Variants in PTPRD observed in about 807,000 individuals in gnomAD.
The protein encoded by PTPRD is receptor-type tyrosine-protein phosphatase delta.
In PTPRD, 34 loss-of-function variants were observed where a neutral mutation model predicts 214.5. The observed-to-expected ratio is 0.16, with a 90% CI of 0.12 to 0.21. PTPRD has a LOEUF of 0.21. Ranked by LOEUF, PTPRD falls within the 10% of genes least tolerant of loss-of-function variation. PTPRD has a pLI of 1.00. For missense variants in PTPRD, 2,545 were observed against 2,398.7 expected (o/e 1.06, Z -1.27); for synonymous variants, 1,128 against 845.7 (o/e 1.33, Z -5.79).
chr9:10,000,808 G>C (rs1311042570), intron 4 of PTPRD, among the ~76,000 whole-genome samples: 1 of 152,168 alleles, frequency 6.6e-6, no homozygotes, highest in South Asian at 2.1e-4. Flanking sequence ...GTCAGCACGT[G>C]TGCCAGGCAT....
intron 5 of PTPRD, among the ~76,000 whole-genome samples, chr9:9,855,398 C>T (rs1315894029): frequency 6.6e-6 from 1 of 152,126 alleles, no homozygotes; most frequent in East Asian, 1.9e-4. Context: ...CAGAGGCTCT[C>T]TCTACTTTGC....
At chr9:10,371,132 T>G (rs2097605689) in intron 2 of PTPRD, among the ~76,000 whole-genome samples, 1 of 152,008 alleles carries the variant, frequency 6.6e-6, no homozygotes, top group Non-Finnish European at 1.5e-5. Context: ...ATTATATATC[T>G]CCATTTTTCT....
chr9:10,541,564 A>G (rs537913387), intron 2 of PTPRD, among the ~76,000 whole-genome samples: 14 of 151,900 alleles, frequency 9.2e-5, no homozygotes, highest in Non-Finnish European at 2.1e-4. Context: ...ACAAATAAAA[A>G]TAATTGTGTC....
At chr9:9,572,013 T>A (rs1255882765) in intron 8 of PTPRD, among the ~76,000 whole-genome samples, 1 of 150,782 alleles carries the variant, frequency 6.6e-6, no homozygotes. Flanking sequence ...CAAAAATATC[T>A]TAAATAGGAC....
At chr9:8,546,299 T>C (rs998064719) in intron 14 of PTPRD, among the ~76,000 whole-genome samples, 1 of 152,210 alleles carries the variant, frequency 6.6e-6, no homozygotes, top group Non-Finnish European at 1.5e-5. Flanking sequence ...CAGATTAAAC[T>C]GACATGTGTT....
At chr9:9,155,047 G>C (rs1052770416) in intron 10 of PTPRD, among the ~76,000 whole-genome samples, 2 of 152,102 alleles carry the variant, frequency 1.3e-5, no homozygotes, top group African/African-American at 2.4e-5. Flanking sequence ...AAATGCAATA[G>C]GGTGGTATTA....
chr9:10,408,347 T>C (rs1219234885), intron 2 of PTPRD, among the ~76,000 whole-genome samples: 1 of 151,580 alleles, frequency 6.6e-6, no homozygotes, highest in Non-Finnish European at 1.5e-5. Flanking sequence ...TAGCCTGCTA[T>C]GTAATGCTAT....
At chr9:9,425,656 T>C (rs2142897138) in intron 8 of PTPRD, among the ~76,000 whole-genome samples, 1 of 151,706 alleles carries the variant, frequency 6.6e-6, no homozygotes, top group African/African-American at 2.4e-5. Flanking sequence ...GAACTTACAT[T>C]ACTAAATTTT....
At chr9:10,449,481 CCT>C (rs1264149200) in intron 2 of PTPRD, among the ~76,000 whole-genome samples, 2 of 149,982 alleles carry the variant, frequency 1.3e-5, no homozygotes, top group Non-Finnish European at 2.9e-5. Context: ...AAGTGAGGAG[CCT>C]CTCTGCCTGG....
chr9:9,350,608 T>A (rs10977673), intron 9 of PTPRD, among the ~76,000 whole-genome samples: 1 of 151,922 alleles, frequency 6.6e-6, no homozygotes, highest in Non-Finnish European at 1.5e-5. Context: ...CATAAATATC[T>A]TTGGTGATGT....
intron 5 of PTPRD, among the ~76,000 whole-genome samples, chr9:9,883,483 G>C (rs906937719): frequency 6.6e-6 from 1 of 152,044 alleles, no homozygotes; most frequent in Admixed American, 6.6e-5. Flanking sequence ...TGGCAATCAG[G>C]GGATACTAAA....
At chr9:8,435,680 T>C (rs1419214235) in intron 35 of PTPRD, among the ~76,000 whole-genome samples, 1 of 149,466 alleles carries the variant, frequency 6.7e-6, no homozygotes, top group Non-Finnish European at 1.5e-5. Flanking sequence ...TTTTGATTGA[T>C]ATATACCACA....
chr9:9,760,599 TACACACACACACACACACACACACAC>T (rs146209140), intron 6 of PTPRD, among the ~76,000 whole-genome samples: 7 of 107,820 alleles, frequency 6.5e-5, no homozygotes, highest in African/African-American at 1.4e-4. Context: ...TCAGCTATCA[TACACACACACACACACACACACACAC>T]ACACACACAC....
chr9:8,656,855 T>G (rs2096919584), intron 12 of PTPRD, among the ~76,000 whole-genome samples: 1 of 152,196 alleles, frequency 6.6e-6, no homozygotes, highest in South Asian at 2.1e-4. Context: ...AGCTGATATG[T>G]CATAAATTCA....
At chr9:10,363,991 G>GTTTTTTTGTTGCT (rs1485501417) in intron 2 of PTPRD, among the ~76,000 whole-genome samples, 1 of 35,132 alleles carries the variant, frequency 2.8e-5, no homozygotes, top group Non-Finnish European at 5.5e-5. Context: ...ACATTTTCGG[G>GTTTTTTTGTTGCT]TTTTTTTTTT....
rs2097525074 is a variant in PTPRD, at chr9:9,702,494, A to G, written c.-287+32039T>C. ...CTGGAGGTACCAGTGATCTTCCAAGAGAGTAATTGTGTTATTATATATGCT... is the reference window on the plus strand; with the variant it reads ...CTGGAGGTACCAGTGATCTTCCAAGGGAGTAATTGTGTTATTATATATGCT... On this transcript the variant is annotated intron_variant, in intron 7 of 45. Transcript: ENST00000381196. Among the ~76,000 whole-genome samples the G allele has an allele frequency of 3.3e-5, 5 of 152,324 alleles. No homozygotes were observed. The South Asian group carries it at 1.0e-3, about 32-fold the overall frequency.
chr9:9,097,738 G>C (rs1331432057), intron 10 of PTPRD, among the ~76,000 whole-genome samples: 1 of 152,122 alleles, frequency 6.6e-6, no homozygotes, highest in African/African-American at 2.4e-5. Context: ...ATTGTTGGGA[G>C]ACAATTCTCT....
intron 3 of PTPRD, among the ~76,000 whole-genome samples, chr9:10,199,325 C>T (rs1431537433): frequency 2.0e-5 from 3 of 152,152 alleles, no homozygotes; most frequent in South Asian, 2.1e-4. Context: ...TTTGACTATT[C>T]GTACTCCTAC....
At chr9:8,825,706 C>T (rs1281615265) in intron 11 of PTPRD, among the ~76,000 whole-genome samples, 1 of 152,112 alleles carries the variant, frequency 6.6e-6, no homozygotes, top group Non-Finnish European at 1.5e-5. Context: ...ACAGAGCAGC[C>T]ATGAGGGCTG....
Sources: gnomAD v4.1 joint callset for allele counts (sites outside exome capture counted in the v4.1 genomes callset) on GRCh38, gnomAD v4.1.1 for gene constraint, MANE v1.5 for transcripts, NCBI Gene and HGNC (gene_info 2026-07-23, HGNC 2026-07-21) for gene names.